SEC24D: variants seen among roughly 807,000 people sequenced by gnomAD.
The protein encoded by SEC24D is protein transport protein Sec24D.
Under a neutral mutation model 116.9 loss-of-function variants are expected in SEC24D, and 69 were observed. The observed-to-expected ratio is 0.59, with a 90% CI of 0.49 to 0.72. SEC24D has a LOEUF of 0.72. Among genes scored for constraint, SEC24D ranks in the 30% least tolerant of loss-of-function variants. The pLI, the probability that SEC24D is intolerant of heterozygous loss-of-function variation, is 0.00. For synonymous variants in SEC24D, 405 were observed against 442.8 expected, an observed-to-expected ratio of 0.91 and a Z score of 1.07; for missense variants, 1,131 against 1,264.1, an observed-to-expected ratio of 0.89 and a Z score of 1.60.
chr4:118,826,157 AT>A (rs1730584356), intron 2 of SEC24D, among the ~76,000 whole-genome samples: 1 of 152,046 alleles, frequency 6.6e-6, no homozygotes, highest in Non-Finnish European at 1.5e-5. Flanking sequence ...ATATACCACT[AT>A]TTTCAATAAA....
intron 2 of SEC24D, chr4:118,833,319 G>A (rs888369427): frequency 3.1e-6 from 1 of 320,940 alleles, no homozygotes; most frequent in African/African-American, 2.2e-5. Flanking sequence ...TTAACAGCAA[G>A]AACAAGACTC....
In SEC24D at chr4:118,799,928, A is replaced by G. The variant is rs377338359; in HGVS notation, c.914-2118T>C. On this transcript the variant is annotated intron_variant, in intron 7 of 22. Coordinates refer to ENST00000280551, the MANE Select transcript of SEC24D (RefSeq NM_014822.4). ...CAAGAAAACATTTTTATATTTTAAG[A>G]TGAGAGAAGGTTTTTTTTAAAAAAA... Among the ~76,000 whole-genome samples the G allele has an allele frequency of 1.4e-4, 21 of 152,338 alleles. No individual in the cohort carries two copies. The East Asian group carries it at 4.0e-3, about 29-fold the overall frequency.
chr4:118,790,528 AC>A lies in SEC24D; in HGVS notation c.1041+7154del, dbSNP rs1293883853. Among the ~76,000 whole-genome samples, 7 of 152,190 alleles carry A rather than the reference AC, an allele frequency of 4.6e-5. No homozygotes were observed. The East Asian group carries it at 1.2e-3, about 25-fold the overall frequency. On this transcript the variant is annotated intron_variant, in intron 8 of 22. Transcript: ENST00000280551. ...TACAGCATAACCAATTACTTTTGCTACATATATACCTCAGAATTAATTATAC... is the reference window on the plus strand; with the variant it reads ...TACAGCATAACCAATTACTTTTGCTAATATATACCTCAGAATTAATTATAC...
intron 4 of SEC24D, chr4:118,816,643 A>C (rs778547755): frequency 1.1e-5 from 3 of 284,148 alleles, no homozygotes; most frequent in Non-Finnish European, 1.4e-5. Context: ...AGGGGTTTTA[A>C]TGATACTTCA....
At chr4:118,735,992 C>G (rs1244267087) in intron 19 of SEC24D, 1 of 150,136 alleles carries the variant, frequency 6.7e-6, no homozygotes, top group Non-Finnish European at 1.5e-5. Flanking sequence ...CTGCACCCAG[C>G]CTAATTTATC....
chr4:118,816,751 A>G (rs1395186073), intron 4 of SEC24D: 1 of 453,908 alleles, frequency 2.2e-6, no homozygotes, highest in Admixed American at 2.4e-5. Flanking sequence ...CACAGGATAT[A>G]CAGCATTTCT....
chr4:118,765,162 A>T (rs1042572308), intron 9 of SEC24D, among the ~76,000 whole-genome samples: 8 of 152,212 alleles, frequency 5.3e-5, no homozygotes, highest in African/African-American at 1.7e-4. Flanking sequence ...CTAGAGAAAC[A>T]GGGTATAAAA....
At chr4:118,738,527 T>C (rs993110471) in intron 18 of SEC24D, 148 bp from the exon 19 acceptor site, 1 of 653,386 alleles carries the variant, frequency 1.5e-6, no homozygotes, top group South Asian at 1.7e-5. Flanking sequence ...CATTTGCTAA[T>C]GGTCTCCTCT....
At chr4:118,733,747 T>C (rs1392330265) in intron 19 of SEC24D, among the ~76,000 whole-genome samples, 3 of 152,180 alleles carry the variant, frequency 2.0e-5, no homozygotes, top group Non-Finnish European at 4.4e-5. Flanking sequence ...AACACGTTCT[T>C]CCTCCCATGT....
At chr4:118,815,266 A>T (rs909212149) in intron 5 of SEC24D, 111 bp from the exon 6 acceptor site, 6 of 1,431,408 alleles carry the variant, frequency 4.2e-6, no homozygotes, top group Non-Finnish European at 5.7e-6. Flanking sequence ...TCATCTTATT[A>T]AAAAAAGCAA....
At chr4:118,739,864 T>C (rs1171650110) in intron 17 of SEC24D, among the ~76,000 whole-genome samples, 2 of 152,180 alleles carry the variant, frequency 1.3e-5, no homozygotes, top group Non-Finnish European at 2.9e-5. Context: ...CATGTATATC[T>C]AGTGGTCATA....
chr4:118,723,567 T>G lies in SEC24D; in HGVS notation c.3047A>C (p.Tyr1016Ser), dbSNP rs752509914. Reference protein sequence around the residue: ...EDKGLYGGSSYVDFLCCVHKE... With the variant: ...EDKGLYGGSSSVDFLCCVHKE... ...GTGAACACAACAAAGGAAATCCACA[T>G]AAGAAGAGCCTCCGTAAAGTCCTTT... The change falls in exon 23 of 23, where the codon TAT becomes TCT. Residue 1016 changes from tyrosine (Y) to serine (S), a missense_variant. Transcript: ENST00000280551. The G allele has an allele frequency of 6.2e-7, 1 of 1,613,756 alleles. No individual in the cohort carries two copies. The highest frequency in any genetic ancestry group is 2.2e-5 in the East Asian group (1 of 44,860).
At chr4:118,832,229 C>G (rs573473038) in intron 2 of SEC24D, among the ~76,000 whole-genome samples, 2 of 152,030 alleles carry the variant, frequency 1.3e-5, no homozygotes, top group Non-Finnish European at 2.9e-5. Context: ...AGGGAGACTC[C>G]ACCTCAAAAG....
At chr4:118,793,920 CCAA>C (rs1729059861) in intron 8 of SEC24D, among the ~76,000 whole-genome samples, 1 of 152,140 alleles carries the variant, frequency 6.6e-6, no homozygotes, top group Admixed American at 6.5e-5. Flanking sequence ...TTCAGAGTCT[CCAA>C]CAACATTAAA....
At chr4:118,830,928 T>C (rs1730822958) in intron 2 of SEC24D, among the ~76,000 whole-genome samples, 1 of 151,974 alleles carries the variant, frequency 6.6e-6, no homozygotes, top group South Asian at 2.1e-4. Context: ...GACAGGAGAA[T>C]GGAAAGGAGA....
intron 7 of SEC24D, among the ~76,000 whole-genome samples, chr4:118,804,911 C>T (rs1235307524): frequency 1.3e-5 from 2 of 151,056 alleles, no homozygotes; most frequent in Non-Finnish European, 2.9e-5. Context: ...CACACACACA[C>T]ACACACACAC....
At chr4:118,794,584 C>G (rs932803729) in intron 8 of SEC24D, among the ~76,000 whole-genome samples, 2 of 152,126 alleles carry the variant, frequency 1.3e-5, no homozygotes, top group African/African-American at 2.4e-5. Context: ...GAAGTATCTT[C>G]TGTTTATGAA....
rs541969340 is a variant in SEC24D at position 118,820,585 on chromosome 4, C to T, written c.249-3173G>A. Among the ~76,000 whole-genome samples, 4 of 152,060 alleles carry T rather than the reference C, an allele frequency of 2.6e-5. No individual in the cohort carries two copies. In the East Asian group the frequency reaches 7.7e-4, roughly 29 times the overall value. Reference sequence around the variant, plus strand: ...CCTAGTGTAGAAACCTGGTGTGTAACTATAGGTAAGCCACTTAATCTCTGT... The same window carrying T: ...CCTAGTGTAGAAACCTGGTGTGTAATTATAGGTAAGCCACTTAATCTCTGT... On this transcript the variant is annotated intron_variant, in intron 3 of 22. Transcript: ENST00000280551.
In SEC24D at chr4:118,833,711, T is replaced by C; in HGVS notation, c.-15A>G. On this transcript the variant is annotated 5_prime_UTR_variant, in exon 2 of 23. Transcript: ENST00000280551. ...TGTTGACTCATTATGAAAATATCAT[T>C]CCATAGGATAATTCTACAAAAGAAG... 1 of 1,555,082 alleles carries C rather than the reference T, an allele frequency of 6.4e-7. No homozygotes were observed. The highest frequency in any genetic ancestry group is 8.8e-7 in the Non-Finnish European group (1 of 1,131,214).
Sources: allele counts gnomAD v4.1 joint callset (sites outside exome capture counted in the v4.1 genomes callset), GRCh38; gene constraint gnomAD v4.1.1; transcripts MANE v1.5; gene names NCBI Gene and HGNC (gene_info 2026-07-23, HGNC 2026-07-21).